The following ATP8B3 variants were observed in gnomAD, a reference collection of about 807,000 sequenced individuals.
ATP8B3 encodes the protein ATPase phospholipid transporting 8B3, also known as phospholipid-transporting ATPase IK.
ATP8B3 carries 141 observed loss-of-function variants against 140.9 expected under a neutral mutation model. The ratio of observed to expected loss-of-function variants is 1.00; its 90% confidence interval spans 0.87 to 1.15. ATP8B3 has a LOEUF of 1.15. ATP8B3 is among the 50% of genes most tolerant of loss of function. The pLI, the probability that ATP8B3 is intolerant of heterozygous loss-of-function variation, is 0.00. For missense variants in ATP8B3, 1,874 were observed against 1,740.6 expected (o/e 1.08, Z -1.36); for synonymous variants, 765 against 714.6 (o/e 1.07, Z -1.13).
In ATP8B3 at chr19:1,796,797, T is replaced by C; in HGVS notation, c.1667A>G (p.Asn556Ser). ...GAACTCCCGCACGGCCTCGTCCCCG[T>C]TGGTCCGCACGAGGTGCAGCAGGGC... ...NAALLHLVRT[N>S]GDEAVREFWR... Residue 556 changes from asparagine (N) to serine (S), a missense_variant, in exon 16 of 29, where the codon AAC (asparagine) becomes AGC (serine). Asn to Ser is a conservative substitution (Grantham distance 46, BLOSUM62 1). Around this residue, in one of 3 missense-constraint regions of ATP8B3, gnomAD observed 1,032 missense variants for 963.6 expected, o/e 1.07. Transcript: ENST00000310127. 6.2e-7 allele frequency: 1 copy of C among 1,612,556 alleles called. No homozygotes were observed. The highest frequency in any genetic ancestry group is 8.5e-7 in the Non-Finnish European group (1 of 1,179,636).
Position 1,796,365 on chromosome 19 carries a change from T to C in ATP8B3, c.1754-100A>G, listed in dbSNP as rs549572460. On this transcript the variant is annotated intron_variant, in intron 16 of 28. Transcript: ENST00000310127. The stretch of plus-strand genomic sequence containing the variant: ...GGTATCGCCTGGGCTACACCTTTAT[T>C]GATGGTGGCCGGGGACCCCCGCCTG... 44 of 1,185,620 alleles carry C rather than the reference T, an allele frequency of 3.7e-5. No homozygotes were observed. In the African/African-American group the frequency reaches 6.2e-4, roughly 17 times the overall value. 73.4% of individuals were successfully genotyped at this position (1,185,620 alleles called of 1,614,324 possible).
Position 1,809,713 on chromosome 19 carries a change from G to T in ATP8B3, c.332C>A (p.Ala111Asp). The T allele has an allele frequency of 6.2e-7, 1 of 1,610,160 alleles. No individual in the cohort carries two copies. The highest frequency in any genetic ancestry group is 8.5e-7 in the Non-Finnish European group (1 of 1,178,582). ...CTGCCCGTTGTAGGCACGGTTGTTG[G>T]CCTGGACCTTCCAGGTGAATGCTGC... Reference protein sequence around the residue: ...RNSAFTWKVQANNRAYNGQFK... With the variant: ...RNSAFTWKVQDNNRAYNGQFK... Residue 111 changes from alanine to aspartate, a missense_variant, in exon 4 of 29, where the codon GCC becomes GAC. Ala to Asp is a moderately radical substitution (Grantham distance 126). Transcript: ENST00000310127.
intron 28 of ATP8B3, among the ~76,000 whole-genome samples, chr19:1,784,070 G>A (rs1190277810): frequency 6.6e-6 from 1 of 152,122 alleles, no homozygotes; most frequent in Non-Finnish European, 1.5e-5. Flanking sequence ...TCACGGCTCA[G>A]GCGTGTTTCA....
chr19:1,800,486 G>A lies in ATP8B3; in HGVS notation c.1153-37C>T, dbSNP rs768620136. On this transcript the variant is annotated intron_variant, in intron 12 of 28. Coordinates refer to ENST00000310127, the MANE Select transcript of ATP8B3 (RefSeq NM_138813.4). The surrounding 1 kb of genome is among the most constrained non-coding windows in gnomAD (Gnocchi z 4.4). ...ACGCGACAGGGTGGGTGAGGGGGGC[G>A]GGGGTCCCCCACTCTGCCATCAGGA... The A allele has an allele frequency of 5.1e-6, 8 of 1,559,792 alleles. No homozygotes were observed. The East Asian group carries it at 6.7e-5, about 13-fold the overall frequency.
chr19:1,789,259 G>A (rs1427525361), intron 23 of ATP8B3, 102 bp downstream of exon 23: 2 of 1,204,866 alleles, frequency 1.7e-6, no homozygotes, highest in African/African-American at 3.7e-5. Flanking sequence ...GCCTCCATCA[G>A]CGCCCCCCTC....
chr19:1,806,676 C>T lies in ATP8B3; in HGVS notation c.629G>A (p.Ser210Asn). ...DLVDDMGRHKSDRAINNRPCQ... is the reference protein window; with the variant it reads ...DLVDDMGRHKNDRAINNRPCQ... ...GGGTCTGTTGTTGATGGCTCTGTCACTCTTGTGTCTCCCCTGGGCCAGGAG... is the reference window on the plus strand; with the variant it reads ...GGGTCTGTTGTTGATGGCTCTGTCATTCTTGTGTCTCCCCTGGGCCAGGAG... The change falls in exon 7 of 29, where the codon AGT becomes AAT. Residue 210 changes from serine to asparagine, a missense_variant. By Grantham distance (46) the Ser-to-Asn change is conservative. This residue lies in a region of ATP8B3 where 1,032 missense variants were observed against 963.6 expected (regional missense o/e 1.07). Transcript: ENST00000310127. The surrounding 1 kb of genome is among the most constrained non-coding windows in gnomAD (Gnocchi z 5.6). 6.4e-7 allele frequency: 1 copy of T among 1,563,880 alleles called. No individual in the cohort carries two copies. Among genetic ancestry groups the T allele is most frequent in the South Asian group, 1.2e-5 (1 of 84,808 alleles).
chr19:1,797,313 G>A (rs563708898), intron 14 of ATP8B3, among the ~76,000 whole-genome samples: 5 of 151,054 alleles, frequency 3.3e-5, no homozygotes, highest in African/African-American at 1.2e-4. Flanking sequence ...GCCTGGAGCG[G>A]GATGCGGGCT....
chr19:1,784,138 T>G (rs1805539450), intron 28 of ATP8B3, among the ~76,000 whole-genome samples: 1 of 152,150 alleles, frequency 6.6e-6, no homozygotes, highest in African/African-American at 2.4e-5. Context: ...CTCTTATTTC[T>G]AAGTTCCTCC....
At chr19:1,788,619 C>T (rs1017615791) in intron 24 of ATP8B3, among the ~76,000 whole-genome samples, 1 of 152,214 alleles carries the variant, frequency 6.6e-6, no homozygotes, top group Non-Finnish European at 1.5e-5. Flanking sequence ...CATTGCACTC[C>T]AGCCTGGGTG....
intron 25 of ATP8B3, 147 bp from the exon 26 acceptor site, chr19:1,785,855 G>C: frequency 1.1e-6 from 1 of 893,094 alleles, no homozygotes; most frequent in Non-Finnish European, 1.7e-6. Flanking sequence ...GTAAGGCCAG[G>C]CACGGTGGCA....
At chr19:1,785,790 GT>G in intron 25 of ATP8B3, 82 bp from the exon 26 acceptor site, 1 of 1,431,392 alleles carries the variant, frequency 7.0e-7, no homozygotes, top group Non-Finnish European at 9.4e-7. Flanking sequence ...GGGCAGGCCA[GT>G]AGGGTGGCCA....
In ATP8B3 at chr19:1,788,981, C is replaced by T; in HGVS notation, c.2985G>A (p.Lys995=). 1 of 1,610,480 alleles carries T rather than the reference C, an allele frequency of 6.2e-7. No homozygotes were observed. The highest frequency in any genetic ancestry group is 2.2e-5 in the East Asian group (1 of 44,802). ...HGRWSYVRIC[K]FLRYFFYKSM... The stretch of plus-strand genomic sequence containing the variant: ...TCTTGTAGAAGAAGTAGCGCAGGAA[C>T]TTGCAGATCCGCACGTAGGACCAGC... The change falls in exon 24 of 29, where the codon AAG becomes AAA. Residue 995 remains lysine (K), a synonymous_variant. Transcript: ENST00000310127.
rs768034801 is a variant in ATP8B3 at position 1,794,146 on chromosome 19, G to A, written c.2055+1729C>T. Among the ~76,000 whole-genome samples the A allele has an allele frequency of 6.6e-6, 1 of 152,196 alleles. No individual in the cohort carries two copies. The highest frequency in any genetic ancestry group is 1.9e-4 in the East Asian group (1 of 5,198). ...GCACTCAAGCGATCCTCCTGCCTCA[G>A]GCTCCCAAAGTGCTGGGACCACAGG... On this transcript the variant is annotated intron_variant, in intron 18 of 28. Transcript: ENST00000310127. This position sits in a 1 kb window ranked among gnomAD's most constrained non-coding sequence, Gnocchi z 4.8.
Position 1,789,914 on chromosome 19 carries a change from G to A in ATP8B3, c.2454C>T (p.Ala818=), listed in dbSNP as rs771000674. 3.1e-6 allele frequency: 5 copies of A among 1,612,006 alleles called. 1 individual carries two copies. The South Asian group carries it at 3.3e-5, about 11-fold the overall frequency. ...CCAGGAAGTCTCCGTTAATGACCAAGGCCAGCTTGACCTGCGACAGGGACT... is the reference window on the plus strand; with the variant it reads ...CCAGGAAGTCTCCGTTAATGACCAAAGCCAGCTTGACCTGCGACAGGGACT... ...TRESLSQVKL[A]LVINGDFLDK... is the part of the protein sequence containing the mutation. The change falls in exon 22 of 29, where the codon GCC becomes GCT. Residue 818 remains alanine (A), a synonymous_variant. Coordinates refer to ENST00000310127, the MANE Select transcript of ATP8B3 (RefSeq NM_138813.4).
rs2068939748 is a variant in ATP8B3, at chr19:1,804,174, G to A, written c.904+1200C>T. 1.3e-5 allele frequency among the ~76,000 whole-genome samples: 2 copies of A among 152,260 alleles called. 1 individual carries two copies. Among genetic ancestry groups the A allele is most frequent in the South Asian group, 4.1e-4 (2 of 4,822 alleles). ...GAGTAACTGTTTCCACATCACGTGTGAAACATCTCCAGGTGGAAAATAAGA... is the reference window on the plus strand; with the variant it reads ...GAGTAACTGTTTCCACATCACGTGTAAAACATCTCCAGGTGGAAAATAAGA... On this transcript the variant is annotated intron_variant, in intron 10 of 28. Transcript: ENST00000310127.
At chr19:1,808,140 GA>G in intron 5 of ATP8B3, 81 bp downstream of exon 5, 1 of 1,174,064 alleles carries the variant, frequency 8.5e-7, no homozygotes, top group East Asian at 2.6e-5. Flanking sequence ...AGTGGGACGT[GA>G]ACCCACCCAT....
chr19:1,789,729 T>C lies in ATP8B3; in HGVS notation c.2479-2A>G, dbSNP rs1292862966. ...CCGCAGGGACACCAGCAGTTTGTCC[T>C]GGCCGGCGGGGAGGGGGCTGTGCCA... On this transcript the variant is annotated splice_acceptor_variant, in intron 22 of 28. Transcript: ENST00000310127. LOFTEE classifies it high-confidence loss of function. The C allele has an allele frequency of 3.9e-6, 6 of 1,557,734 alleles. No individual in the cohort carries two copies. The highest frequency in any genetic ancestry group is 2.3e-5 in the East Asian group (1 of 44,338).
chr19:1,786,911 C>T (rs545083712), intron 25 of ATP8B3, among the ~76,000 whole-genome samples, 192 bp downstream of exon 25: 29 of 152,284 alleles, frequency 1.9e-4, no homozygotes, highest in African/African-American at 6.7e-4. Context: ...TGGATGGCCC[C>T]GGGATGAGCG....
At chr19:1,799,788 G>T in intron 14 of ATP8B3, 159 bp downstream of exon 14, 2 of 740,380 alleles carry the variant, frequency 2.7e-6, no homozygotes, top group Non-Finnish European at 4.4e-6. Context: ...AATTTTCCTG[G>T]CCCCCTCCAA....
Sources: gnomAD v4.1 joint callset for allele counts (sites outside exome capture counted in the v4.1 genomes callset) on GRCh38, gnomAD v4.1.1 for gene constraint, gnomAD v4.1.1 regional missense constraint, Gnocchi (gnomAD v3.1) non-coding constraint, MANE v1.5 for transcripts, NCBI Gene and HGNC (gene_info 2026-07-23, HGNC 2026-07-21) for gene names.